The following KIAA1958 variants were observed in gnomAD, a reference collection of about 807,000 sequenced individuals.
The protein encoded by KIAA1958 is uncharacterized protein KIAA1958.
In KIAA1958, 14 loss-of-function variants were observed where a neutral mutation model predicts 47.2. The observed-to-expected ratio is 0.30, with a 90% CI of 0.20 to 0.46. The LOEUF is 0.46. Ranked by LOEUF, KIAA1958 falls within the 20% of genes least tolerant of loss-of-function variation. The probability of loss-of-function intolerance (pLI) is 1.00; values close to 1 mark genes in which losing one functional copy is unlikely to be tolerated. For missense variants in KIAA1958, 803 were observed against 909.2 expected, an observed-to-expected ratio of 0.88 and a Z score of 1.50; for synonymous variants, 354 against 353.3, an observed-to-expected ratio of 1.00 and a Z score of -0.02.
intron 2 of KIAA1958, among the ~76,000 whole-genome samples, chr9:112,598,688 A>G (rs1255683141): frequency 6.6e-6 from 1 of 152,218 alleles, no homozygotes; most frequent in Non-Finnish European, 1.5e-5. Context: ...CATGTCACAA[A>G]GCAGTATATC....
intron 2 of KIAA1958, among the ~76,000 whole-genome samples, chr9:112,629,554 A>G (rs1836674440): frequency 6.6e-6 from 1 of 152,186 alleles, no homozygotes; most frequent in African/African-American, 2.4e-5. Flanking sequence ...ATTTGTAATA[A>G]CAGAATTTTT....
chr9:112,514,530 TGAG>T (rs1245175410), intron 1 of KIAA1958, among the ~76,000 whole-genome samples: 1 of 4,172 alleles, frequency 2.4e-4, no homozygotes, highest in Non-Finnish European at 4.0e-4. Flanking sequence ...TACTGGGAAG[TGAG>T]GAGCCCCTCA....
intron 1 of KIAA1958, among the ~76,000 whole-genome samples, chr9:112,548,530 C>G (rs1405093996): frequency 6.6e-6 from 1 of 152,104 alleles, no homozygotes; most frequent in Non-Finnish European, 1.5e-5. Flanking sequence ...CAAATATTTT[C>G]CATAGTTTGA....
intron 1 of KIAA1958, among the ~76,000 whole-genome samples, chr9:112,553,430 C>A (rs992948116): frequency 6.6e-6 from 1 of 152,090 alleles, no homozygotes; most frequent in African/African-American, 2.4e-5. Context: ...CCTCCTGCTT[C>A]AGTGTGCTGG....
intron 1 of KIAA1958, among the ~76,000 whole-genome samples, chr9:112,547,998 CTTTTTTTTTTTT>C (rs372918486): frequency 6.3e-5 from 6 of 94,580 alleles, no homozygotes; most frequent in Admixed American, 1.2e-4. Context: ...GTCAGAAAAT[CTTTTTTTTTTTT>C]TTTTTTTTTT....
chr9:112,641,791 A>G (rs1836895761), intron 2 of KIAA1958, among the ~76,000 whole-genome samples: 2 of 152,058 alleles, frequency 1.3e-5, no homozygotes, highest in African/African-American at 4.8e-5. Context: ...CAGCTCATCT[A>G]TTGTTTTTAA....
At chr9:112,645,406 A>G (rs1451983101) in intron 2 of KIAA1958, among the ~76,000 whole-genome samples, 1 of 152,244 alleles carries the variant, frequency 6.6e-6, no homozygotes, top group Non-Finnish European at 1.5e-5. Flanking sequence ...TACATAAGCT[A>G]GTATATATGG....
chr9:112,514,596 A>C (rs1284353119), intron 1 of KIAA1958, among the ~76,000 whole-genome samples: 1 of 7,772 alleles, frequency 1.3e-4, no homozygotes. Context: ...CAGCCCCCCC[A>C]CCCGGCCAGC....
chr9:112,506,412 C>T (rs1165976772), intron 1 of KIAA1958, among the ~76,000 whole-genome samples: 6 of 152,250 alleles, frequency 3.9e-5, no homozygotes, highest in East Asian at 1.9e-4. Context: ...GCCGAGATCA[C>T]GCCACTACAC....
At chr9:112,516,720 A>G (rs1834441918) in intron 1 of KIAA1958, among the ~76,000 whole-genome samples, 1 of 152,256 alleles carries the variant, frequency 6.6e-6, no homozygotes, top group African/African-American at 2.4e-5. Context: ...CACAGTAATC[A>G]AGACAGTGTG....
chr9:112,554,641 T>C (rs956367722), intron 1 of KIAA1958, among the ~76,000 whole-genome samples: 2 of 152,112 alleles, frequency 1.3e-5, no homozygotes, highest in Admixed American at 6.6e-5. Context: ...CTACAAACAC[T>C]AGATAAAAAC....
At chr9:112,590,268 C>T (rs937829614) in intron 2 of KIAA1958, among the ~76,000 whole-genome samples, 4 of 152,078 alleles carry the variant, frequency 2.6e-5, no homozygotes, top group African/African-American at 9.6e-5. Flanking sequence ...ATTTTTAACA[C>T]ATGCCATCAA....
In KIAA1958 at chr9:112,659,643, T is replaced by C. The variant is rs1356610213; in HGVS notation, c.1725T>C (p.His575=). 1 of 1,614,134 alleles carries C rather than the reference T, an allele frequency of 6.2e-7. No homozygotes were observed. The highest frequency in any genetic ancestry group is 8.5e-7 in the Non-Finnish European group (1 of 1,180,038). Residue 575 remains histidine, a synonymous_variant, in exon 4 of 4, where the codon CAT becomes CAC. Coordinates refer to ENST00000337530, the MANE Select transcript of KIAA1958 (RefSeq NM_133465.4). ...QYLNMRTLQE[H]ADLMYGDIEL... ...TGAACATGCGGACGCTGCAGGAGCATGCGGATCTGATGTATGGTGACATCG... is the reference window on the plus strand; with the variant it reads ...TGAACATGCGGACGCTGCAGGAGCACGCGGATCTGATGTATGGTGACATCG...
At chr9:112,640,237 A>G (rs938185134) in intron 2 of KIAA1958, among the ~76,000 whole-genome samples, 5 of 152,190 alleles carry the variant, frequency 3.3e-5, no homozygotes, top group African/African-American at 7.2e-5. Flanking sequence ...AGACTGATCT[A>G]TTTCCAGTTT....
chr9:112,656,484 A>G (rs2131251914), intron 3 of KIAA1958, among the ~76,000 whole-genome samples: 1 of 151,984 alleles, frequency 6.6e-6, no homozygotes, highest in East Asian at 1.9e-4. Flanking sequence ...TCTCAGAGCC[A>G]TGCCCTCGCT....
chr9:112,512,218 C>T (rs570087529), intron 1 of KIAA1958, among the ~76,000 whole-genome samples: 1 of 152,134 alleles, frequency 6.6e-6, no homozygotes, highest in Admixed American at 6.5e-5. Context: ...AGTAAAAGTA[C>T]AGACCAATAT....
intron 1 of KIAA1958, among the ~76,000 whole-genome samples, chr9:112,510,562 C>T (rs147509095): frequency 7.1e-4 from 108 of 152,280 alleles, no homozygotes; most frequent in African/African-American, 1.8e-3. Context: ...TTTTCTTTTA[C>T]GGGTTTCTCA....
chr9:112,630,685 T>G (rs993157467), intron 2 of KIAA1958, among the ~76,000 whole-genome samples: 1 of 152,242 alleles, frequency 6.6e-6, no homozygotes, highest in Non-Finnish European at 1.5e-5. Flanking sequence ...CAGACACATT[T>G]TTTGTGTCAC....
At chr9:112,655,297 A>T (rs1310761017) in intron 3 of KIAA1958, among the ~76,000 whole-genome samples, 3 of 152,196 alleles carry the variant, frequency 2.0e-5, no homozygotes, top group African/African-American at 7.2e-5. Flanking sequence ...TCACTTCAGG[A>T]ATCAAACACT....
Sources: gnomAD v4.1 joint callset for allele counts (sites outside exome capture counted in the v4.1 genomes callset) on GRCh38, gnomAD v4.1.1 for gene constraint, MANE v1.5 for transcripts, NCBI Gene and HGNC (gene_info 2026-07-23, HGNC 2026-07-21) for gene names.